Variants in SEC24B observed in about 807,000 individuals in gnomAD.
SEC24B encodes protein transport protein Sec24B.
A neutral mutation model predicts 142.8 loss-of-function variants in SEC24B; 45 were observed. The observed-to-expected ratio is 0.32, with a 90% confidence interval of 0.25 to 0.40. The LOEUF (loss-of-function observed/expected upper bound fraction) is 0.40. Among genes scored for constraint, SEC24B ranks in the 10% least tolerant of loss-of-function variants. The pLI, the probability that SEC24B is intolerant of heterozygous loss-of-function variation, is 1.00. For missense variants in SEC24B, 1,409 were observed against 1,526.8 expected, an observed-to-expected ratio of 0.92 and a Z score of 1.29; for synonymous variants, 574 against 568.2, an observed-to-expected ratio of 1.01 and a Z score of -0.15.
At chr4:109,524,477 G>A (rs1724000303) in intron 14 of SEC24B, among the ~76,000 whole-genome samples, 1 of 152,024 alleles carries the variant, frequency 6.6e-6, no homozygotes, top group Admixed American at 6.6e-5. Flanking sequence ...CAGATTTCTT[G>A]GGTTGATATT....
chr4:109,525,455 C>G lies in SEC24B; in HGVS notation c.2742C>G (p.Leu914=). The G allele has an allele frequency of 6.2e-7, 1 of 1,611,434 alleles. No individual in the cohort carries two copies. The highest frequency in any genetic ancestry group is 2.2e-5 in the East Asian group (1 of 44,672). ...TACAAAAAGACCTAAAACGGTATCT[C>G]ACAAGAAAAATTGGGTTTGAAGCTG... ...EKLQKDLKRY[L]TRKIGFEAVM... Residue 914 remains leucine, a synonymous_variant, in exon 16 of 24, where the codon CTC becomes CTG. Coordinates refer to ENST00000265175, the MANE Select transcript of SEC24B (RefSeq NM_006323.5).
chr4:109,497,427 G>A (rs1735644844), intron 6 of SEC24B, among the ~76,000 whole-genome samples: 1 of 152,080 alleles, frequency 6.6e-6, no homozygotes, highest in Admixed American at 6.6e-5. Flanking sequence ...ACAAGTGTTA[G>A]GAAAGTTTGG....
chr4:109,534,220 G>A (rs1199927637), intron 22 of SEC24B, among the ~76,000 whole-genome samples: 1 of 151,334 alleles, frequency 6.6e-6, no homozygotes, highest in Non-Finnish European at 1.5e-5. Flanking sequence ...CTTTCAAATG[G>A]ATCAAACATT....
intron 17 of SEC24B, 48 bp downstream of exon 17, chr4:109,526,447 T>C: frequency 7.1e-7 from 1 of 1,413,570 alleles, no homozygotes; most frequent in Non-Finnish European, 9.8e-7. Flanking sequence ...AATTCCTCCC[T>C]CCTTTCACAT....
chr4:109,473,249 G>GA, intron 3 of SEC24B, 63 bp downstream of exon 3: 1 of 1,163,596 alleles, frequency 8.6e-7, no homozygotes, highest in South Asian at 2.7e-5. Context: ...TAGAAGATAT[G>GA]AAAAAAAGTT....
At chr4:109,498,341 A>G (rs1435417476) in intron 6 of SEC24B, among the ~76,000 whole-genome samples, 1 of 152,202 alleles carries the variant, frequency 6.6e-6, no homozygotes, top group Non-Finnish European at 1.5e-5. Flanking sequence ...GATTAAAATT[A>G]TCAAACTTTT....
intron 5 of SEC24B, 34 bp from the exon 6 acceptor site, chr4:109,494,581 T>A (rs941570231): frequency 6.2e-7 from 1 of 1,610,286 alleles, no homozygotes; most frequent in Admixed American, 1.7e-5. Flanking sequence ...GTCTTGATTT[T>A]CAGTTGTTAA....
intron 1 of SEC24B, among the ~76,000 whole-genome samples, chr4:109,435,224 ATAT>A (rs1355508096): frequency 6.6e-6 from 1 of 152,232 alleles, no homozygotes; most frequent in African/African-American, 2.4e-5. Context: ...TTTAGCCTTA[ATAT>A]TCTTTGGATC....
chr4:109,444,054 C>G (rs1029980299), intron 1 of SEC24B, among the ~76,000 whole-genome samples: 2 of 151,788 alleles, frequency 1.3e-5, no homozygotes, highest in South Asian at 4.2e-4. Context: ...AAAAACCCAT[C>G]TCTACTAAAA....
At chr4:109,517,821 A>AT (rs1458793662) in intron 11 of SEC24B, among the ~76,000 whole-genome samples, 2 of 152,160 alleles carry the variant, frequency 1.3e-5, no homozygotes, top group East Asian at 3.8e-4. Flanking sequence ...TGAGCAAGGA[A>AT]TTTTTTCCAT....
intron 1 of SEC24B, among the ~76,000 whole-genome samples, chr4:109,446,558 C>T (rs1180057782): frequency 6.6e-6 from 1 of 152,144 alleles, no homozygotes; most frequent in Non-Finnish European, 1.5e-5. Flanking sequence ...ACCTAATACA[C>T]CTGTGAAGAT....
chr4:109,513,709 A>G (rs1452898303), intron 9 of SEC24B, 38 bp from the exon 10 acceptor site: 1 of 1,168,716 alleles, frequency 8.6e-7, no homozygotes, highest in Non-Finnish European at 1.3e-6. Context: ...TTAGTTACAA[A>G]TTGTGTCTCT....
intron 4 of SEC24B, among the ~76,000 whole-genome samples, chr4:109,487,165 C>CA (rs372133489): frequency 0.052 from 2,783 of 53,294 alleles, 67 homozygotes; most frequent in African/African-American, 0.099. Context: ...GACTCTGTCT[C>CA]AAAAAAAAAA....
At chr4:109,518,803 CT>C (rs770507485) in intron 11 of SEC24B, among the ~76,000 whole-genome samples, 2,374 of 117,850 alleles carry the variant, frequency 0.02, 26 homozygotes, top group African/African-American at 0.051. Context: ...ATGTTTCTGT[CT>C]TTTTTTTTTT....
At chr4:109,520,754 A>G (rs1723517727) in intron 12 of SEC24B, among the ~76,000 whole-genome samples, 1 of 152,192 alleles carries the variant, frequency 6.6e-6, no homozygotes, top group Admixed American at 6.5e-5. Flanking sequence ...GCACTTTGGG[A>G]GGCTGAGGTG....
chr4:109,491,873 C>A (rs894839023), intron 5 of SEC24B, among the ~76,000 whole-genome samples: 1 of 152,038 alleles, frequency 6.6e-6, no homozygotes, highest in South Asian at 2.1e-4. Context: ...TCACTTTTAA[C>A]CATATCTGGA....
In SEC24B at chr4:109,452,339, G is replaced by C. The variant is rs114884620; in HGVS notation, c.134-10562G>C. 6.5e-3 allele frequency among the ~76,000 whole-genome samples: 995 copies of C among 152,220 alleles called. 13 individuals carry two copies. Among genetic ancestry groups the C allele is most frequent in the African/African-American group, 0.023 (945 of 41,534 alleles). ...CCTTCCTCTGTTATCAGACATCTTG[G>C]TTGTTTCCAGTGTTTGGTAGTTATA... On this transcript the variant is annotated intron_variant, in intron 1 of 23. Coordinates refer to ENST00000265175, the MANE Select transcript of SEC24B (RefSeq NM_006323.5).
At chr4:109,449,478 C>A (rs749807767) in intron 1 of SEC24B, 5 of 454,392 alleles carry the variant, frequency 1.1e-5, no homozygotes, top group South Asian at 7.8e-5. Context: ...GCAATCTGCC[C>A]GCCTCGGCCT....
intron 1 of SEC24B, chr4:109,449,639 C>G: frequency 5.1e-6 from 2 of 396,002 alleles, no homozygotes; most frequent in South Asian, 3.7e-5. Context: ...CTCACATGGC[C>G]TTTTCTTGGT....
Sources: gnomAD v4.1 joint callset for allele counts (sites outside exome capture counted in the v4.1 genomes callset) on GRCh38, gnomAD v4.1.1 for gene constraint, MANE v1.5 for transcripts, NCBI Gene and HGNC (gene_info 2026-07-23, HGNC 2026-07-21) for gene names.